OR52N4: variants seen among roughly 807,000 people sequenced by gnomAD.
OR52N4 encodes the protein olfactory receptor family 52 subfamily N member 4.
Under a neutral mutation model 15.0 loss-of-function variants are expected in OR52N4, and 15 were observed. That is an observed-to-expected ratio of 1.00 (90% CI 0.67 to 1.54). OR52N4 has a LOEUF of 1.54. Ranked by LOEUF, OR52N4 falls within the 40% of genes most tolerant of loss-of-function variation. The pLI, the probability that OR52N4 is intolerant of heterozygous loss-of-function variation, is 0.00. For synonymous variants in OR52N4, 143 were observed against 143.7 expected (o/e 1.00, Z 0.03); for missense variants, 421 against 394.0 (o/e 1.07, Z -0.58).
At chr11:5,754,104 A>T (rs992620485), upstream of OR52N4, 16 of 151,838 alleles carry the variant, frequency 1.1e-4, no homozygotes, top group African/African-American at 3.9e-4. Flanking sequence ...TAGTTATTTT[A>T]AAATATACAA....
chr11:5,755,239 C>T lies in OR52N4; in HGVS notation c.499C>T (p.Leu167Phe), dbSNP rs779199912. ...LIIPFTFLTK[L>F]LPYCRGNILP... ...TATTCCCTTTACTTTCCTCACCAAG[C>T]TCCTGCCCTACTGCAGAGGCAATAT... Residue 167 changes from leucine (L) to phenylalanine (F), a missense_variant, in exon 2 of 2, where the codon CTC becomes TTC. Transcript: ENST00000641350. 8.1e-6 allele frequency: 13 copies of T among 1,613,902 alleles called. No individual in the cohort carries two copies. The African/African-American group carries it at 9.3e-5, about 12-fold the overall frequency.
chr11:5,754,991 T>G lies in OR52N4; in HGVS notation c.251T>G (p.Leu84Arg), dbSNP rs1590345197. ...VMCSSTIPKA[L>R]CIFWFHLKDI... ...TGCTCTAGTACAATCCCTAAAGCCC[T>G]CTGCATCTTCTGGTTTCATCTCAAG... The change falls in exon 2 of 2, where the codon CTC (leucine) becomes CGC (arginine). Residue 84 changes from leucine (L) to arginine (R), a missense_variant. By Grantham distance (102) the Leu-to-Arg change is moderately radical. Transcript: ENST00000641350. 1 of 1,613,980 alleles carries G rather than the reference T, an allele frequency of 6.2e-7. No individual in the cohort carries two copies.
At chr11:5,742,639 G>A in the OR52N4 span, among the ~76,000 whole-genome samples, 1 of 152,130 alleles carries the variant, frequency 6.6e-6, no homozygotes, top group East Asian at 1.9e-4. Flanking sequence ...CTGCTAAATT[G>A]AGCTTTGTAA....
rs773675652 is a variant in OR52N4, at chr11:5,755,527, T to C, written c.787T>C (p.Ser263Pro). Reference sequence around the variant, plus strand: ...TACTCCAGCTTTCTTCTCCTTCTTTTCCCACCGCTTTGGGGAACACATAAT... The same window carrying C: ...TACTCCAGCTTTCTTCTCCTTCTTTCCCCACCGCTTTGGGGAACACATAAT... ...SYTPAFFSFF[S>P]HRFGEHIIPP... Residue 263 changes from serine (S) to proline (P), a missense_variant, in exon 2 of 2, where the codon TCC becomes CCC. By Grantham distance (74) the Ser-to-Pro change is moderately conservative (BLOSUM62 -1). Coordinates refer to ENST00000641350, the MANE Select transcript of OR52N4 (RefSeq NM_001005175.5). The C allele has an allele frequency of 6.2e-7, 1 of 1,613,814 alleles. No homozygotes were observed. The highest frequency in any genetic ancestry group is 8.5e-7 in the Non-Finnish European group (1 of 1,179,852).
At chr11:5,748,314 AC>A in the OR52N4 span, among the ~76,000 whole-genome samples, 3 of 151,876 alleles carry the variant, frequency 2.0e-5, no homozygotes, top group African/African-American at 7.2e-5. Flanking sequence ...CCTTATAAAT[AC>A]CGTTATGTTT....
chr11:5,730,423 C>T, the OR52N4 span, among the ~76,000 whole-genome samples: 19 of 151,904 alleles, frequency 1.3e-4, no homozygotes, highest in African/African-American at 2.4e-5. Flanking sequence ...GATCTTCTGA[C>T]CTCGTGATCC....
chr11:5,728,928 T>C, the OR52N4 span, among the ~76,000 whole-genome samples: 3 of 152,086 alleles, frequency 2.0e-5, no homozygotes, highest in Admixed American at 6.6e-5. Context: ...CTAGGGTACA[T>C]GTGCACAACG....
At chr11:5,743,087 G>T in the OR52N4 span, among the ~76,000 whole-genome samples, 61 of 152,226 alleles carry the variant, frequency 4.0e-4, no homozygotes, top group Admixed American at 7.2e-4. Flanking sequence ...AGCAGGAGTA[G>T]TTAGCTATAC....
At chr11:5,745,471 C>A in the OR52N4 span, among the ~76,000 whole-genome samples, 1 of 151,940 alleles carries the variant, frequency 6.6e-6, no homozygotes, top group Non-Finnish European at 1.5e-5. Flanking sequence ...ATATACAATA[C>A]CTAGGAATAC....
chr11:5,730,615 G>A, the OR52N4 span, among the ~76,000 whole-genome samples: 1 of 151,590 alleles, frequency 6.6e-6, no homozygotes, highest in Admixed American at 6.6e-5. Context: ...TGTCTCTAAT[G>A]TTTTTCATCC....
At chr11:5,727,755 G>GC in the OR52N4 span, among the ~76,000 whole-genome samples, 1 of 152,148 alleles carries the variant, frequency 6.6e-6, no homozygotes, top group African/African-American at 2.4e-5. Flanking sequence ...TCCCTGCATA[G>GC]CCATAAGATC....
At chr11:5,736,380 CA>C in the OR52N4 span, 1 of 721,720 alleles carries the variant, frequency 1.4e-6, no homozygotes, top group Admixed American at 2.4e-5. Context: ...AGAAAACAAG[CA>C]CATCCATTTA....
rs776725509 is a variant in OR52N4 at position 5,754,763 on chromosome 11, AC to A, written c.25del (p.Leu9Ter). The A allele has an allele frequency of 1.2e-6, 2 of 1,613,254 alleles. No individual in the cohort carries two copies. The highest frequency in any genetic ancestry group is 4.5e-5 in the East Asian group (2 of 44,828). On this transcript the variant is annotated frameshift_variant, in exon 2 of 2. Transcript: ENST00000641350. LOFTEE classifies it high-confidence loss of function. ...ATCATGCTAACACTGAATAAAACAGACCTAATACCAGCTTCATTTATTCTGA... is the reference window on the plus strand; with the variant it reads ...ATCATGCTAACACTGAATAAAACAGACTAATACCAGCTTCATTTATTCTGA... MLTLNKT[D>X]LIPASFILNG... is the part of the protein sequence containing the mutation.
At chr11:5,727,311 A>T in the OR52N4 span, 1 of 152,784 alleles carries the variant, frequency 6.5e-6, no homozygotes, top group Non-Finnish European at 1.5e-5. Flanking sequence ...ATCACGTTCC[A>T]GTCCATATTC....
chr11:5,732,015 C>T, the OR52N4 span, among the ~76,000 whole-genome samples: 1 of 151,986 alleles, frequency 6.6e-6, no homozygotes, highest in Non-Finnish European at 1.5e-5. Context: ...ACTATCACCT[C>T]ATAAAGTTAT....
the OR52N4 span, among the ~76,000 whole-genome samples, chr11:5,734,627 A>G: frequency 6.6e-6 from 1 of 152,162 alleles, no homozygotes; most frequent in Non-Finnish European, 1.5e-5. Context: ...ACACATATAC[A>G]AATCAGAAAA....
At chr11:5,744,418 G>C in the OR52N4 span, among the ~76,000 whole-genome samples, 10 of 152,248 alleles carry the variant, frequency 6.6e-5, no homozygotes, top group African/African-American at 2.4e-4. Flanking sequence ...GAAAATTACA[G>C]GCCAATCTTC....
At chr11:5,735,783 A>C in the OR52N4 span, among the ~76,000 whole-genome samples, 3 of 152,150 alleles carry the variant, frequency 2.0e-5, no homozygotes, top group African/African-American at 7.2e-5. Flanking sequence ...ATGGACAAAT[A>C]ATTCTTGTTT....
the OR52N4 span, among the ~76,000 whole-genome samples, chr11:5,739,552 A>T: frequency 3.6e-5 from 2 of 55,348 alleles, no homozygotes; most frequent in East Asian, 1.2e-3. Context: ...AAAGAGTGAG[A>T]CTCTGACTCA....
Sources: allele counts gnomAD v4.1 joint callset (sites outside exome capture counted in the v4.1 genomes callset), GRCh38; gene constraint gnomAD v4.1.1; transcripts MANE v1.5; gene names NCBI Gene and HGNC (gene_info 2026-07-23, HGNC 2026-07-21).